CNTNAP3: variants seen among roughly 807,000 people sequenced by gnomAD.
The protein encoded by CNTNAP3 is contactin-associated protein-like 3.
A neutral mutation model predicts 92.1 loss-of-function variants in CNTNAP3; 36 were observed. The ratio of observed to expected loss-of-function variants is 0.39; its 90% confidence interval spans 0.30 to 0.52. The LOEUF (loss-of-function observed/expected upper bound fraction) is 0.52. Ranked by LOEUF, CNTNAP3 falls within the 20% of genes least tolerant of loss-of-function variation. CNTNAP3 has a pLI of 0.76. For synonymous variants in CNTNAP3, 232 were observed against 422.3 expected (o/e 0.55, Z 5.53); for missense variants, 534 against 1,069.6 (o/e 0.50, Z 6.98).
rs1285193190 is a variant in CNTNAP3, at chr9:39,067,213, G to T, written c.*6677C>A. On this transcript the variant is annotated 3_prime_UTR_variant, in exon 24 of 24. Coordinates refer to ENST00000297668, the MANE Select transcript of CNTNAP3 (RefSeq NM_033655.5). ...CGAAGTTTAATTAAAGCCTTTTCTT[G>T]TCACATCCTAATCTTTGAAAATACG... Among the ~76,000 whole-genome samples, 2 of 152,302 alleles carry T rather than the reference G, an allele frequency of 1.3e-5. No homozygotes were observed. Among genetic ancestry groups the T allele is most frequent in the African/African-American group, 4.8e-5 (2 of 41,482 alleles).
At chr9:39,090,505 C>A (rs1826168760) in intron 18 of CNTNAP3, among the ~76,000 whole-genome samples, 1 of 152,276 alleles carries the variant, frequency 6.6e-6, no homozygotes, top group Non-Finnish European at 1.5e-5. Flanking sequence ...GTTGTCCTGG[C>A]ACTCTTGTAA....
intron 21 of CNTNAP3, among the ~76,000 whole-genome samples, chr9:39,084,091 T>C (rs1383682839): frequency 1.3e-5 from 2 of 151,942 alleles, no homozygotes; most frequent in African/African-American, 2.4e-5. Flanking sequence ...TATTAGCCTA[T>C]GTACCTATTA....
chr9:39,079,408 A>T (rs1435705060), intron 21 of CNTNAP3, among the ~76,000 whole-genome samples: 7 of 139,892 alleles, frequency 5.0e-5, no homozygotes, highest in South Asian at 2.5e-4. Context: ...ATCTTTTGTC[A>T]TCAGATAATA....
At chr9:39,075,651 C>T (rs1326398135) in intron 23 of CNTNAP3, among the ~76,000 whole-genome samples, 6 of 152,274 alleles carry the variant, frequency 3.9e-5, no homozygotes, top group Admixed American at 3.9e-4. Context: ...AATGTACAAA[C>T]ACACGTATTC....
At chr9:39,140,900 T>C (rs139702825) in intron 11 of CNTNAP3, among the ~76,000 whole-genome samples, 2 of 152,198 alleles carry the variant, frequency 1.3e-5, no homozygotes, top group African/African-American at 2.4e-5. Flanking sequence ...AATAAATATT[T>C]GGTCACAGTG....
chr9:39,081,905 C>T (rs1352692458), intron 21 of CNTNAP3, among the ~76,000 whole-genome samples: 2 of 137,056 alleles, frequency 1.5e-5, no homozygotes, highest in East Asian at 2.3e-4. Flanking sequence ...GGTGAAACCC[C>T]ATCTCTACTA....
chr9:39,278,719 G>T (rs548983154), intron 1 of CNTNAP3, among the ~76,000 whole-genome samples: 2,261 of 28,672 alleles, frequency 0.079, 946 homozygotes, highest in African/African-American at 0.14. Flanking sequence ...TTTAATAAAC[G>T]GTGCTGGGAA....
intron 16 of CNTNAP3, 133 bp downstream of exon 16, chr9:39,103,611 A>G: frequency 4.3e-6 from 5 of 1,172,308 alleles, no homozygotes; most frequent in Non-Finnish European, 5.8e-6. Flanking sequence ...AATTACCTAA[A>G]ATCATAGAAG....
chr9:39,105,550 T>A (rs1171774537), intron 15 of CNTNAP3, among the ~76,000 whole-genome samples: 1 of 152,210 alleles, frequency 6.6e-6, no homozygotes, highest in Non-Finnish European at 1.5e-5. Context: ...TATTCAATGG[T>A]TTATACTCTA....
Position 39,071,245 on chromosome 9 carries a change from C to T in CNTNAP3, c.*2645G>A, listed in dbSNP as rs549613428. 9.4e-5 allele frequency among the ~76,000 whole-genome samples: 14 copies of T among 149,700 alleles called. No homozygotes were observed. In the East Asian group the frequency reaches 1.5e-3, roughly 16 times the overall value. ...TAATAGAGACAGAGTAATAGAGACA[C>T]GGGGTAGAATATGTCACGTATCAGT... On this transcript the variant is annotated 3_prime_UTR_variant, in exon 24 of 24. Transcript: ENST00000297668.
chr9:39,090,001 G>A (rs149743401), intron 18 of CNTNAP3, among the ~76,000 whole-genome samples: 2,867 of 152,102 alleles, frequency 0.019, 86 homozygotes, highest in African/African-American at 0.063. Flanking sequence ...GTGCAGTGGC[G>A]TGATCTCTGC....
intron 15 of CNTNAP3, among the ~76,000 whole-genome samples, chr9:39,108,592 T>C (rs1294938625): frequency 1.3e-5 from 2 of 152,212 alleles, no homozygotes; most frequent in Non-Finnish European, 2.9e-5. Flanking sequence ...AGATTTTTAC[T>C]AGCTTAGTTG....
rs943837769 is a variant in CNTNAP3, at chr9:39,068,241, T to C, written c.*5649A>G. 5.4e-5 allele frequency among the ~76,000 whole-genome samples: 2 copies of C among 36,788 alleles called. No individual in the cohort carries two copies. The highest frequency in any genetic ancestry group is 1.2e-4 in the Non-Finnish European group (2 of 16,386). 24.1% of individuals were successfully genotyped at this position (36,788 alleles called of 152,430 possible). On this transcript the variant is annotated 3_prime_UTR_variant, in exon 24 of 24. Transcript: ENST00000297668. ...GGTGAAACCTTGCCTCCACTAAAAA[T>C]ACAAAAAAAAAAAAAAAAAAAAAAA...
At position 39,145,090 on chromosome 9, in the gene CNTNAP3, G is replaced by A. The variant is rs557396135; in HGVS notation, c.1650-744C>T. 1.3e-4 allele frequency among the ~76,000 whole-genome samples: 18 copies of A among 139,322 alleles called. 1 individual carries two copies. The highest frequency in any genetic ancestry group is 2.3e-4 in the African/African-American group (9 of 38,860). 91.4% of individuals were successfully genotyped at this position (139,322 alleles called of 152,430 possible). On this transcript the variant is annotated intron_variant, in intron 10 of 23. Coordinates refer to ENST00000297668, the MANE Select transcript of CNTNAP3 (RefSeq NM_033655.5). ...TTCAGAATTCTTGGAATCTGCTGCC[G>A]CCCACTATAATATTGGGGGCCTAGC... is the stretch of plus-strand genomic sequence containing the variant.
At chr9:39,117,574 T>C (rs1043467105) in intron 14 of CNTNAP3, among the ~76,000 whole-genome samples, 29 of 152,206 alleles carry the variant, frequency 1.9e-4, no homozygotes, top group African/African-American at 6.3e-4. Flanking sequence ...TACAGAACAG[T>C]TGGTGCTTGA....
At position 39,150,017 on chromosome 9, in the gene CNTNAP3, T is replaced by C. The variant is rs375246503; in HGVS notation, c.1478-40A>G. The C allele has an allele frequency of 3.2e-5, 51 of 1,600,828 alleles. No homozygotes were observed. In the African/African-American group the frequency reaches 5.9e-4, roughly 19 times the overall value. On this transcript the variant is annotated intron_variant, in intron 9 of 23. Transcript: ENST00000297668. ...AAAAATAGGACAAAAGCAACAACTA[T>C]GACAAAACTATTCCACAGTATTTAC...
chr9:39,151,301 A>T (rs1189162524), intron 9 of CNTNAP3, among the ~76,000 whole-genome samples: 1 of 146,382 alleles, frequency 6.8e-6, no homozygotes, highest in Admixed American at 6.8e-5. Flanking sequence ...ATGCCTGTAA[A>T]CCCAGCACTT....
At chr9:39,089,523 A>G (rs571195060) in intron 18 of CNTNAP3, among the ~76,000 whole-genome samples, 1 of 152,292 alleles carries the variant, frequency 6.6e-6, no homozygotes, top group South Asian at 2.1e-4. Flanking sequence ...CTTCCATGAA[A>G]ATTCACGTGT....
chr9:39,082,420 A>C (rs1315564911), intron 21 of CNTNAP3, among the ~76,000 whole-genome samples: 1 of 151,922 alleles, frequency 6.6e-6, no homozygotes, highest in Non-Finnish European at 1.5e-5. Context: ...TCCTCATTTT[A>C]CCAATAAAGG....
Sources: allele counts gnomAD v4.1 joint callset (sites outside exome capture counted in the v4.1 genomes callset), GRCh38; gene constraint gnomAD v4.1.1; transcripts MANE v1.5; gene names NCBI Gene and HGNC (gene_info 2026-07-23, HGNC 2026-07-21).